The following SLC10A7 variants were observed in gnomAD, a reference collection of about 807,000 sequenced individuals.
SLC10A7 encodes sodium/bile acid cotransporter 7.
Under a neutral mutation model 43.2 loss-of-function variants are expected in SLC10A7, and 29 were observed. The ratio of observed to expected loss-of-function variants is 0.67; its 90% CI spans 0.50 to 0.92. SLC10A7 has a LOEUF of 0.92. Ranked by LOEUF, SLC10A7 falls within the 40% of genes least tolerant of loss-of-function variation. The pLI, the probability that SLC10A7 is intolerant of heterozygous loss-of-function variation, is 0.00. For missense variants in SLC10A7, 295 were observed against 403.2 expected (o/e 0.73, Z 2.30); for synonymous variants, 152 against 144.8 (o/e 1.05, Z -0.35).
chr4:146,406,138 G>A (rs904011725), intron 5 of SLC10A7, among the ~76,000 whole-genome samples: 9 of 152,120 alleles, frequency 5.9e-5, no homozygotes, highest in African/African-American at 2.2e-4. Flanking sequence ...GCATTCAGTA[G>A]ATTCTCAGTT....
chr4:146,294,119 T>C (rs1356445759), intron 7 of SLC10A7, 24 bp from the exon 8 acceptor site: 2 of 1,530,726 alleles, frequency 1.3e-6, no homozygotes, highest in Non-Finnish European at 1.8e-6. Flanking sequence ...ATCAACAGGT[T>C]GCCTCTTTTC....
intron 5 of SLC10A7, among the ~76,000 whole-genome samples, chr4:146,326,949 C>T (rs1243109637): frequency 2.4e-4 from 23 of 96,260 alleles, no homozygotes; most frequent in African/African-American, 1.2e-3. Context: ...CACACACACA[C>T]ACACACACAC....
At chr4:146,280,223 A>G (rs1262690647) in intron 10 of SLC10A7, among the ~76,000 whole-genome samples, 1 of 152,220 alleles carries the variant, frequency 6.6e-6, no homozygotes, top group Non-Finnish European at 1.5e-5. Context: ...ATACTATGAT[A>G]GTGACTGCAA....
intron 4 of SLC10A7, among the ~76,000 whole-genome samples, chr4:146,462,747 C>T (rs1400659528): frequency 6.6e-6 from 1 of 152,134 alleles, no homozygotes; most frequent in African/African-American, 2.4e-5. Flanking sequence ...AACTAATGGA[C>T]TGCCAAGAGA....
intron 5 of SLC10A7, among the ~76,000 whole-genome samples, chr4:146,387,266 C>G (rs951322041): frequency 2.0e-5 from 3 of 152,170 alleles, no homozygotes; most frequent in Admixed American, 1.3e-4. Context: ...AAAGATAATA[C>G]ACCACAGTCA....
intron 5 of SLC10A7, among the ~76,000 whole-genome samples, chr4:146,346,905 C>T (rs994877401): frequency 6.6e-6 from 1 of 152,026 alleles, no homozygotes; most frequent in Non-Finnish European, 1.5e-5. Flanking sequence ...CTATGATAGG[C>T]ATACCCAAGA....
At chr4:146,332,647 T>C (rs1460817730) in intron 5 of SLC10A7, among the ~76,000 whole-genome samples, 1 of 152,172 alleles carries the variant, frequency 6.6e-6, no homozygotes, top group Non-Finnish European at 1.5e-5. Flanking sequence ...TTATGCTTCC[T>C]GTATAGCCTG....
intron 4 of SLC10A7, among the ~76,000 whole-genome samples, chr4:146,483,003 C>T (rs890946333): frequency 1.3e-5 from 2 of 151,810 alleles, no homozygotes; most frequent in African/African-American, 4.8e-5. Flanking sequence ...GCTGTCTTTT[C>T]AGAAAGGAAG....
chr4:146,509,441 G>A (rs896386410), intron 3 of SLC10A7, among the ~76,000 whole-genome samples: 1 of 152,136 alleles, frequency 6.6e-6, no homozygotes, highest in African/African-American at 2.4e-5. Flanking sequence ...GTATGTTAGG[G>A]ATATGGTCAG....
intron 10 of SLC10A7, among the ~76,000 whole-genome samples, chr4:146,275,961 A>G (rs1314830791): frequency 1.3e-5 from 2 of 152,106 alleles, no homozygotes; most frequent in Non-Finnish European, 2.9e-5. Flanking sequence ...GTGATCTTCC[A>G]GTCAGATTCA....
At chr4:146,395,752 G>A (rs961018442) in intron 5 of SLC10A7, among the ~76,000 whole-genome samples, 1 of 152,106 alleles carries the variant, frequency 6.6e-6, no homozygotes, top group African/African-American at 2.4e-5. Flanking sequence ...CAGCATGAAT[G>A]TCTTGCTAGA....
At chr4:146,431,549 A>C (rs1729777909) in intron 5 of SLC10A7, among the ~76,000 whole-genome samples, 1 of 152,178 alleles carries the variant, frequency 6.6e-6, no homozygotes, top group South Asian at 2.1e-4. Context: ...AAAGGAAAAA[A>C]TGGACAAATG....
intron 5 of SLC10A7, among the ~76,000 whole-genome samples, chr4:146,398,461 G>C (rs1420679978): frequency 6.6e-6 from 1 of 152,096 alleles, no homozygotes; most frequent in Non-Finnish European, 1.5e-5. Context: ...AAGAAAAGCA[G>C]AAACACCAAA....
chr4:146,342,669 T>G (rs1461933010), intron 5 of SLC10A7, among the ~76,000 whole-genome samples: 2 of 151,794 alleles, frequency 1.3e-5, no homozygotes, highest in Non-Finnish European at 2.9e-5. Flanking sequence ...CTTTAGAGCA[T>G]TCTATTTATA....
intron 6 of SLC10A7, among the ~76,000 whole-genome samples, chr4:146,309,689 C>G (rs563576860): frequency 6.6e-6 from 1 of 152,178 alleles, no homozygotes; most frequent in Non-Finnish European, 1.5e-5. Flanking sequence ...CTGCAAAGCT[C>G]TACTTAGTTC....
intron 5 of SLC10A7, among the ~76,000 whole-genome samples, chr4:146,398,966 A>T (rs1310504505): frequency 1.3e-5 from 2 of 152,238 alleles, no homozygotes; most frequent in Non-Finnish European, 2.9e-5. Flanking sequence ...TCTCTAGTGG[A>T]GATTGACAGG....
intron 4 of SLC10A7, among the ~76,000 whole-genome samples, chr4:146,482,941 A>C (rs1042459019): frequency 2.0e-5 from 3 of 152,118 alleles, no homozygotes; most frequent in Non-Finnish European, 4.4e-5. Context: ...TGATATATTC[A>C]AAGTACTGAA....
At chr4:146,346,941 G>A (rs1734663752) in intron 5 of SLC10A7, among the ~76,000 whole-genome samples, 1 of 152,052 alleles carries the variant, frequency 6.6e-6, no homozygotes, top group South Asian at 2.1e-4. Flanking sequence ...AGATAAAGGT[G>A]GCCTGGTCTC....
In SLC10A7 at chr4:146,521,676, G is replaced by T; in HGVS notation, c.42C>A (p.Val14=). 6.2e-7 allele frequency: 1 copy of T among 1,614,128 alleles called. No individual in the cohort carries two copies. Among genetic ancestry groups the T allele is most frequent in the Non-Finnish European group, 8.5e-7 (1 of 1,180,022 alleles). The change falls in exon 1 of 12, where the codon GTC becomes GTA. Residue 14 remains valine, a synonymous_variant. Coordinates refer to ENST00000335472, the MANE Select transcript of SLC10A7 (RefSeq NM_001029998.6). ...LERMRKDWFM[V]GIVLAIAGAK... is the part of the protein sequence containing the mutation. The stretch of plus-strand genomic sequence containing the variant: ...CTCCAGCGATCGCCAGCACTATTCC[G>T]ACCATGAACCAGTCTTTCCTCATTC...
Sources: allele counts gnomAD v4.1 joint callset (sites outside exome capture counted in the v4.1 genomes callset), GRCh38; gene constraint gnomAD v4.1.1; transcripts MANE v1.5; gene names NCBI Gene and HGNC (gene_info 2026-07-23, HGNC 2026-07-21).